Variants in MGAT5 observed in about 807,000 individuals in gnomAD.
MGAT5 encodes alpha-1,6-mannosylglycoprotein 6-beta-N-acetylglucosaminyltransferase A.
In MGAT5, 30 loss-of-function variants were observed where a neutral mutation model predicts 94.3. The observed-to-expected ratio is 0.32, with a 90% confidence interval of 0.24 to 0.43. The LOEUF (loss-of-function observed/expected upper bound fraction) is 0.43, where lower values mean the gene tolerates loss of function less well. MGAT5 is among the 20% of genes least tolerant of loss of function. The pLI, the probability that MGAT5 is intolerant of heterozygous loss-of-function variation, is 1.00. For missense variants in MGAT5, 691 were observed against 905.5 expected (o/e 0.76, Z 3.04); for synonymous variants, 310 against 322.9 (o/e 0.96, Z 0.43).
chr2:134,182,427 G>T (rs754203071), intron 1 of MGAT5, among the ~76,000 whole-genome samples: 1 of 152,174 alleles, frequency 6.6e-6, no homozygotes, highest in African/African-American at 2.4e-5. Flanking sequence ...ATGCTACATA[G>T]AATTGAAATT....
chr2:134,242,789 A>T (rs1483464586), intron 1 of MGAT5, among the ~76,000 whole-genome samples: 1 of 152,170 alleles, frequency 6.6e-6, no homozygotes, highest in Non-Finnish European at 1.5e-5. Flanking sequence ...GCCTCAAATC[A>T]TTTCTCATCT....
intron 2 of MGAT5, among the ~76,000 whole-genome samples, chr2:134,296,358 C>T (rs554187555): frequency 5.9e-5 from 9 of 152,254 alleles, no homozygotes; most frequent in African/African-American, 9.6e-5. Context: ...GGTTTGGTAT[C>T]GAGGGAGTGG....
In MGAT5 at chr2:134,380,356, C is replaced by T. The variant is rs141690531; in HGVS notation, c.1380+17948C>T. Among the ~76,000 whole-genome samples the T allele has an allele frequency of 3.5e-3, 529 of 152,308 alleles. 7 individuals are homozygous for T. Among genetic ancestry groups the T allele is most frequent in the African/African-American group, 0.011 (474 of 41,568 alleles). On this transcript the variant is annotated intron_variant, in intron 10 of 15. Transcript: ENST00000281923. ...TTATTTGCACCACATACTTATTGCA[C>T]TGAAGTTAGCCTTTTAACGGAAAAC...
rs1342885922 is a variant in MGAT5, at chr2:134,381,532, C to CAGATAGATAGAT, written c.1380+19127_1380+19128insTAGATAGATAGA. Among the ~76,000 whole-genome samples the CAGATAGATAGAT allele has an allele frequency of 5.8e-4, 21 of 36,124 alleles. 1 individual carries two copies. The South Asian group carries it at 0.023, about 40-fold the overall frequency. 23.7% of individuals were successfully genotyped at this position (36,124 alleles called of 152,430 possible). A position where few individuals can be genotyped will look rare whatever the true frequency, so the allele number is the denominator to read the frequency against. On this transcript the variant is annotated intron_variant, in intron 10 of 15. Coordinates refer to ENST00000281923, the MANE Select transcript of MGAT5 (RefSeq NM_002410.5). ...CAGACCAGACAGACAGACAGACAGA[C>CAGATAGATAGAT]AGACAGATAGATAGATAGATAGATA...
intron 1 of MGAT5, among the ~76,000 whole-genome samples, chr2:134,174,822 G>A (rs1030465722): frequency 1.3e-5 from 2 of 152,250 alleles, no homozygotes; most frequent in African/African-American, 4.8e-5. Context: ...GGCCTCTTGA[G>A]CCGCTTGATG....
At chr2:134,185,634 C>G (rs1024875564) in intron 1 of MGAT5, among the ~76,000 whole-genome samples, 1 of 152,164 alleles carries the variant, frequency 6.6e-6, no homozygotes, top group African/African-American at 2.4e-5. Flanking sequence ...CCCCTAGATT[C>G]ATATCAGTGA....
intron 6 of MGAT5, 136 bp downstream of exon 6, chr2:134,338,556 C>T: frequency 1.0e-6 from 1 of 959,754 alleles, no homozygotes; most frequent in Non-Finnish European, 1.5e-6. Flanking sequence ...GTCTCTTGTA[C>T]AGCTGTTTTT....
intron 11 of MGAT5, among the ~76,000 whole-genome samples, chr2:134,412,198 T>C (rs563940762): frequency 4.6e-5 from 7 of 152,244 alleles, no homozygotes; most frequent in African/African-American, 1.7e-4. Context: ...TGGTCTGTCT[T>C]GGGGGAAGCA....
chr2:134,321,773 A>G (rs554102441), intron 4 of MGAT5, among the ~76,000 whole-genome samples: 1 of 152,324 alleles, frequency 6.6e-6, no homozygotes, highest in African/African-American at 2.4e-5. Context: ...AATTAATGAA[A>G]ACACATTTTC....
intron 1 of MGAT5, among the ~76,000 whole-genome samples, chr2:134,192,629 A>G (rs1679284544): frequency 6.6e-6 from 1 of 152,226 alleles, no homozygotes; most frequent in Admixed American, 6.5e-5. Context: ...ATACAAATGT[A>G]GGAGTGAAAG....
chr2:134,285,826 AACCCCTCCGCTAC>A (rs1469521845), intron 2 of MGAT5, among the ~76,000 whole-genome samples: 1 of 152,194 alleles, frequency 6.6e-6, no homozygotes, highest in African/African-American at 2.4e-5. Context: ...CATTGCCAGC[AACCCCTCCGCTAC>A]ATGGCTCCTC....
At chr2:134,158,548 G>T (rs1687584557) in intron 1 of MGAT5, among the ~76,000 whole-genome samples, 1 of 152,214 alleles carries the variant, frequency 6.6e-6, no homozygotes. Flanking sequence ...AGCCTGTGGG[G>T]GCTGGGGGTG....
chr2:134,257,370 C>T (rs574706984), intron 1 of MGAT5, among the ~76,000 whole-genome samples: 9 of 152,194 alleles, frequency 5.9e-5, no homozygotes, highest in African/African-American at 2.2e-4. Flanking sequence ...TACAGGCGCA[C>T]ACCACCACGC....
intron 4 of MGAT5, among the ~76,000 whole-genome samples, chr2:134,334,922 T>TG (rs1208247080): frequency 2.0e-5 from 3 of 152,094 alleles, no homozygotes; most frequent in Admixed American, 1.3e-4. Context: ...CATTCACAAA[T>TG]ATGGTAAGGT....
chr2:134,220,197 C>T (rs930417112), intron 1 of MGAT5, among the ~76,000 whole-genome samples: 1 of 152,134 alleles, frequency 6.6e-6, no homozygotes, highest in Non-Finnish European at 1.5e-5. Context: ...TAGCTGTATG[C>T]TCTTCGATGG....
chr2:134,269,881 C>T, intron 1 of MGAT5, among the ~76,000 whole-genome samples: 1 of 152,178 alleles, frequency 6.6e-6, no homozygotes, highest in Middle Eastern at 3.2e-3. Context: ...ACCTAGCAGA[C>T]CTGAAAATCT....
chr2:134,223,421 ATACCATGATTTTTGTTTTCT>A (rs1412534249), intron 1 of MGAT5, among the ~76,000 whole-genome samples: 6 of 152,228 alleles, frequency 3.9e-5, no homozygotes, highest in Non-Finnish European at 5.9e-5. Context: ...AGTCTTCAGA[ATACCATGATTTTTGTTTTCT>A]TGGAAGTAAA....
intron 13 of MGAT5, among the ~76,000 whole-genome samples, chr2:134,423,826 T>A (rs57201630): frequency 0.13 from 19,662 of 152,154 alleles, 1,667 homozygotes; most frequent in East Asian, 0.3. Flanking sequence ...AATGTCTACT[T>A]GTGTTTAGTG....
upstream of MGAT5, among the ~76,000 whole-genome samples, chr2:134,251,661 A>T (rs550354509): frequency 6.6e-5 from 10 of 152,230 alleles, no homozygotes; most frequent in Admixed American, 6.5e-4. Flanking sequence ...ATACATAATA[A>T]TGGAGTACCA....
Sources: gnomAD v4.1 joint callset for allele counts (sites outside exome capture counted in the v4.1 genomes callset) on GRCh38, gnomAD v4.1.1 for gene constraint, MANE v1.5 for transcripts, NCBI Gene and HGNC (gene_info 2026-07-23, HGNC 2026-07-21) for gene names.